The following PSMA2 variants were observed in gnomAD, a reference collection of about 807,000 sequenced individuals.
The protein encoded by PSMA2 is proteasome 20S subunit alpha 2.
A neutral mutation model predicts 35.9 loss-of-function variants in PSMA2; 2 were observed. The ratio of observed to expected loss-of-function variants is 0.06; its 90% CI spans 0.02 to 0.18. The LOEUF (loss-of-function observed/expected upper bound fraction) is 0.18, where lower values mean the gene tolerates loss of function less well. PSMA2 is among the 10% of genes least tolerant of loss of function. The pLI, the probability that PSMA2 is intolerant of heterozygous loss-of-function variation, is 1.00. For missense variants in PSMA2, 126 were observed against 278.8 expected (o/e 0.45, Z 3.90); for synonymous variants, 97 against 98.2 (o/e 0.99, Z 0.07).
intron 6 of PSMA2, chr7:42,918,836 T>TC (rs751839878): frequency 3.4e-4 from 55 of 163,200 alleles, no homozygotes; most frequent in Non-Finnish European, 6.2e-4. Flanking sequence ...GGCTTTTTTT[T>TC]CCCTCAAGAC....
intron 6 of PSMA2, chr7:42,919,807 G>A (rs1786097610): frequency 1.9e-5 from 13 of 694,634 alleles, no homozygotes; most frequent in South Asian, 1.2e-4. Flanking sequence ...GATAATAGTG[G>A]AGAAGAATTA....
chr7:42,930,690 G>A (rs769777968), intron 1 of PSMA2, among the ~76,000 whole-genome samples: 6 of 151,772 alleles, frequency 4.0e-5, no homozygotes, highest in Admixed American at 3.9e-4. Flanking sequence ...GGGCAACATC[G>A]CAAGACCTCA....
rs183004764 is a variant in PSMA2 at position 42,927,763 on chromosome 7, G to A, written c.42-304C>T. Among the ~76,000 whole-genome samples, 18 of 152,208 alleles carry A rather than the reference G, an allele frequency of 1.2e-4. No individual in the cohort carries two copies. In the East Asian group the frequency reaches 2.1e-3, roughly 18 times the overall value. ...TCTACTAAATATACAAAAATTAGCC[G>A]GGTATGGTGGTGCATGCCTGTAATC... is the stretch of plus-strand genomic sequence containing the variant. On this transcript the variant is annotated intron_variant, in intron 1 of 7. Coordinates refer to ENST00000223321, the MANE Select transcript of PSMA2 (RefSeq NM_002787.5).
chr7:42,931,352 G>A (rs944821553), intron 1 of PSMA2, among the ~76,000 whole-genome samples: 3 of 152,130 alleles, frequency 2.0e-5, no homozygotes, highest in Non-Finnish European at 4.4e-5. Context: ...AAAAGTCTTC[G>A]GCGATGGTTT....
At chr7:42,930,256 GT>G (rs1786281152) in intron 1 of PSMA2, among the ~76,000 whole-genome samples, 1 of 150,782 alleles carries the variant, frequency 6.6e-6, no homozygotes, top group Admixed American at 6.6e-5. Context: ...CACAAGTTTG[GT>G]TTTTTTAAAA....
intron 1 of PSMA2, among the ~76,000 whole-genome samples, chr7:42,929,244 T>G (rs184271754): frequency 6.6e-6 from 1 of 152,274 alleles, no homozygotes; most frequent in African/African-American, 2.4e-5. Flanking sequence ...TATAATTAAT[T>G]TGAGCAGAAT....
In PSMA2 at chr7:42,923,371, C is replaced by G; in HGVS notation, c.410G>C (p.Cys137Ser). 1 of 1,612,940 alleles carries G rather than the reference C, an allele frequency of 6.2e-7. No homozygotes were observed. Among genetic ancestry groups the G allele is most frequent in the South Asian group, 1.1e-5 (1 of 91,064 alleles). The stretch of plus-strand genomic sequence containing the variant: ...ATATGGTCGTCCCTCATTCCAACCA[C>G]AAATAAGTAAAGAAACTCCAAATGG... ...VRPFGVSLLI[C>S]GWNEGRPYLF... Residue 137 changes from cysteine to serine, a missense_variant, in exon 5 of 8, where the codon TGT becomes TCT. Around this residue, in one of 3 missense-constraint regions of PSMA2, gnomAD observed 6 missense variants for 44.0 expected, o/e 0.14. Transcript: ENST00000223321.
At chr7:42,922,242 TA>T (rs2128673893) in intron 5 of PSMA2, among the ~76,000 whole-genome samples, 1 of 152,202 alleles carries the variant, frequency 6.6e-6, no homozygotes, top group African/African-American at 2.4e-5. Context: ...CAATTAAGTG[TA>T]AAATTATGTA....
intron 6 of PSMA2, chr7:42,919,850 C>T (rs1024612597): frequency 1.3e-6 from 1 of 746,556 alleles, no homozygotes; most frequent in African/African-American, 1.7e-5. Context: ...GTCCTATTCA[C>T]TGTGTGAGAT....
chr7:42,923,477 A>G, intron 4 of PSMA2, 71 bp from the exon 5 acceptor site: 1 of 1,216,746 alleles, frequency 8.2e-7, no homozygotes. Flanking sequence ...ATTTATCAGT[A>G]CTCTCAAATA....
chr7:42,931,194 G>C (rs1786303874), intron 1 of PSMA2: 2 of 450,302 alleles, frequency 4.4e-6, no homozygotes, highest in African/African-American at 4.0e-5. Context: ...AAGAGATGGA[G>C]CAGGTTAAGG....
chr7:42,926,456 A>C lies in PSMA2; in HGVS notation c.251+80T>G, dbSNP rs1786218607. ...AGGAACTGGAAGATTAAAGGAAAACAACCTTGGTTTTTCTCCTGAAAATAC... is the reference window on the plus strand; with the variant it reads ...AGGAACTGGAAGATTAAAGGAAAACCACCTTGGTTTTTCTCCTGAAAATAC... On this transcript the variant is annotated intron_variant, in intron 3 of 7. Transcript: ENST00000223321. The C allele has an allele frequency of 8.4e-6, 12 of 1,423,874 alleles. No individual in the cohort carries two copies. In the South Asian group the frequency reaches 1.8e-4, roughly 21 times the overall value. The allele number at this position is 1,423,874 out of a possible 1,614,324, so 88.2% of individuals were successfully genotyped here.
At chr7:42,924,844 A>G in intron 3 of PSMA2, 47 bp from the exon 4 acceptor site, 3 of 1,553,776 alleles carry the variant, frequency 1.9e-6, no homozygotes, top group Non-Finnish European at 2.6e-6. Flanking sequence ...ATGCTCTACT[A>G]CCTGAAGACT....
chr7:42,920,613 A>G (rs1338946647), intron 6 of PSMA2: 3 of 152,264 alleles, frequency 2.0e-5, no homozygotes, highest in African/African-American at 7.2e-5. Context: ...AAAACAAATC[A>G]TAACATATCA....
At chr7:42,919,452 G>A in intron 6 of PSMA2, 1 of 538,654 alleles carries the variant, frequency 1.9e-6, no homozygotes, top group Non-Finnish European at 3.7e-6. Flanking sequence ...AGCAGAACCT[G>A]AGGAAATTAG....
chr7:42,917,554 AT>A lies in PSMA2; in HGVS notation c.*19del, dbSNP rs771289709. 2.4e-5 allele frequency: 38 copies of A among 1,570,726 alleles called. 1 individual carries two copies. In the East Asian group the frequency reaches 8.3e-4, roughly 34 times the overall value. ...GTAGATAGATTATCTGAAATTCTGG[AT>A]TTTTCAGTCACTTCATTGTTATGCT... On this transcript the variant is annotated 3_prime_UTR_variant, in exon 8 of 8. Coordinates refer to ENST00000223321, the MANE Select transcript of PSMA2 (RefSeq NM_002787.5).
chr7:42,917,558 TTCAG>T lies in PSMA2; in HGVS notation c.*12_*15del, dbSNP rs1786051493. ...ATAGATTATCTGAAATTCTGGATTT[TTCAG>T]TCACTTCATTGTTATGCTATGGCAG... On this transcript the variant is annotated 3_prime_UTR_variant, in exon 8 of 8. Transcript: ENST00000223321. 1 of 1,581,782 alleles carries T rather than the reference TTCAG, an allele frequency of 6.3e-7. No individual in the cohort carries two copies. Among genetic ancestry groups the T allele is most frequent in the African/African-American group, 1.3e-5 (1 of 74,124 alleles).
chr7:42,928,555 C>T (rs1465499522), intron 1 of PSMA2, among the ~76,000 whole-genome samples: 1 of 152,204 alleles, frequency 6.6e-6, no homozygotes, highest in Non-Finnish European at 1.5e-5. Flanking sequence ...TCCTTTATTT[C>T]AACCTAGTTG....
chr7:42,925,303 G>A (rs1786193926), intron 3 of PSMA2, among the ~76,000 whole-genome samples: 1 of 152,198 alleles, frequency 6.6e-6, no homozygotes, highest in Admixed American at 6.5e-5. Context: ...TAGGTGCAGT[G>A]TTTCACGCCT....
Sources: gnomAD v4.1 joint callset for allele counts (sites outside exome capture counted in the v4.1 genomes callset) on GRCh38, gnomAD v4.1.1 for gene constraint, gnomAD v4.1.1 regional missense constraint, MANE v1.5 for transcripts, NCBI Gene and HGNC (gene_info 2026-07-23, HGNC 2026-07-21) for gene names.